Variants in ZNF224 observed in about 807,000 individuals in gnomAD.
The protein encoded by ZNF224 is bone marrow zinc finger 2.
In ZNF224, 8 loss-of-function variants were observed where a neutral mutation model predicts 10.5. The ratio of observed to expected loss-of-function variants is 0.76; its 90% confidence interval spans 0.45 to 1.37. ZNF224 has a LOEUF of 1.37. Ranked by LOEUF, ZNF224 falls within the 40% of genes most tolerant of loss-of-function variation. ZNF224 has a pLI of 0.00. For missense variants in ZNF224, 754 were observed against 854.0 expected (o/e 0.88, Z 1.46); for synonymous variants, 282 against 287.8 (o/e 0.98, Z 0.20).
At chr19:44,097,689 T>C in intron 2 of ZNF224, 117 bp from the exon 3 acceptor site, 1 of 586,316 alleles carries the variant, frequency 1.7e-6, no homozygotes, top group Non-Finnish European at 3.0e-6. Context: ...TGGGTTTTTA[T>C]GATTAATGCT....
chr19:44,101,322 C>T, intron 5 of ZNF224, 97 bp downstream of exon 5: 2 of 1,253,142 alleles, frequency 1.6e-6, no homozygotes, highest in East Asian at 2.5e-5. Context: ...ATGGCCAAAC[C>T]TCTTTCTTGG....
chr19:44,106,923 ACAG>A lies in ZNF224; in HGVS notation c.764_766del (p.Thr255_Gly256delinsArg). 4 of 1,608,332 alleles carry A rather than the reference ACAG, an allele frequency of 2.5e-6. No individual in the cohort carries two copies. Among genetic ancestry groups the A allele is most frequent in the Non-Finnish European group, 2.6e-6 (3 of 1,176,372 alleles). On this transcript the variant is annotated inframe_deletion, in exon 6 of 6. Coordinates refer to ENST00000693561, the MANE Select transcript of ZNF224 (RefSeq NM_001321645.3). ...ACTTAATGTTCATCATAAATTACAC[ACAG>A]GAGAGAAACCTTATAATTGTGAGGA...
In ZNF224 at chr19:44,106,537, A is replaced by T; in HGVS notation, c.377A>T (p.Lys126Ile). The T allele has an allele frequency of 6.2e-7, 1 of 1,613,890 alleles. No individual in the cohort carries two copies. Among genetic ancestry groups the T allele is most frequent in the Non-Finnish European group, 8.5e-7 (1 of 1,180,022 alleles). ...ATGATAAATAGCTCTCAGTTCTCCA[A>T]AGAAGGTGATTTCCCCTGCCAGACT... ...DLMINSSQFS[K>I]EGDFPCQTEA... Residue 126 changes from lysine to isoleucine, a missense_variant, in exon 6 of 6, where the codon AAA becomes ATA. By Grantham distance (102) the Lys-to-Ile change is moderately radical. Transcript: ENST00000693561.
chr19:44,102,023 A>G (rs1217325836), intron 5 of ZNF224, among the ~76,000 whole-genome samples: 1 of 152,096 alleles, frequency 6.6e-6, no homozygotes, highest in Non-Finnish European at 1.5e-5. Context: ...CTGACTAGCA[A>G]CCTTAATTGC....
intron 3 of ZNF224, among the ~76,000 whole-genome samples, chr19:44,098,658 A>G (rs1967489344): frequency 6.6e-6 from 1 of 151,462 alleles, no homozygotes; most frequent in Non-Finnish European, 1.5e-5. Flanking sequence ...ATCTCGGCTC[A>G]CTGCAGCCTC....
chr19:44,102,853 C>T (rs1302358195), intron 5 of ZNF224, among the ~76,000 whole-genome samples: 1 of 152,114 alleles, frequency 6.6e-6, no homozygotes, highest in Non-Finnish European at 1.5e-5. Flanking sequence ...CAGATAATAA[C>T]CAGCTTCCCA....
Position 44,101,164 on chromosome 19 carries a change from C to T in ZNF224, c.174C>T (p.His58=), listed in dbSNP as rs1487723860. 2 of 1,614,058 alleles carry T rather than the reference C, an allele frequency of 1.2e-6. No individual in the cohort carries two copies. The highest frequency in any genetic ancestry group is 1.7e-6 in the Non-Finnish European group (2 of 1,180,030). ...AAGCATTCCACAGGGATACTTTCCA[C>T]TTCCTAAGGGAAGAAAAGATTTGGA... ...GHQAFHRDTF[H]FLREEKIWMM... Residue 58 remains histidine, a synonymous_variant, in exon 5 of 6, where the codon CAC becomes CAT. Transcript: ENST00000693561.
rs1290177634 is a variant in ZNF224 at position 44,097,878 on chromosome 19, C to T, written c.5C>T (p.Thr2Ile). Residue 2 changes from threonine to isoleucine, a missense_variant, in exon 3 of 6, where the codon ACC becomes ATC. Transcript: ENST00000693561. The part of the protein sequence containing the change: M[T>I]TFKEAMTFKD... ...TTTCCAGAAGTAAGAGGGAAAATGACCACGTTCAAGGTGGGTAGGACTTGC... is the reference window on the plus strand; with the variant it reads ...TTTCCAGAAGTAAGAGGGAAAATGATCACGTTCAAGGTGGGTAGGACTTGC... 1 of 1,614,008 alleles carries T rather than the reference C, an allele frequency of 6.2e-7. No individual in the cohort carries two copies. Among genetic ancestry groups the T allele is most frequent in the Non-Finnish European group, 8.5e-7 (1 of 1,179,956 alleles).
intron 5 of ZNF224, among the ~76,000 whole-genome samples, chr19:44,104,197 A>G (rs1314366928): frequency 6.6e-6 from 1 of 152,152 alleles, no homozygotes; most frequent in East Asian, 1.9e-4. Flanking sequence ...ATCTCAGTTA[A>G]CCAAATTATT....
chr19:44,099,159 T>A (rs1367108736), intron 3 of ZNF224, among the ~76,000 whole-genome samples: 2 of 152,156 alleles, frequency 1.3e-5, no homozygotes, highest in Non-Finnish European at 2.9e-5. Context: ...TCCTGTTGAG[T>A]GATGATGTCC....
rs896045112 is a variant in ZNF224, at chr19:44,108,553, G to A, written c.*269G>A. The A allele has an allele frequency of 4.2e-6, 2 of 478,390 alleles. No homozygotes were observed. Among genetic ancestry groups the A allele is most frequent in the Non-Finnish European group, 7.8e-6 (2 of 255,956 alleles). The allele number at this position is 478,390 out of a possible 1,614,324, so 29.6% of individuals were successfully genotyped here. On this transcript the variant is annotated 3_prime_UTR_variant, in exon 6 of 6. Transcript: ENST00000693561. ...ATAATGGAGAATCCTTGTAAATGGTGCAATAAAGCTTCATTCAGAAGTTTG... is the reference window on the plus strand; with the variant it reads ...ATAATGGAGAATCCTTGTAAATGGTACAATAAAGCTTCATTCAGAAGTTTG...
rs758977567 is a variant in ZNF224, at chr19:44,109,548, G to A, written c.*1264G>A. ...TTTGGAGAGCAGAACATGCCAGAAT[G>A]TATAAGGTGCAACTGTTTGATATGA... is the stretch of plus-strand genomic sequence containing the variant. On this transcript the variant is annotated 3_prime_UTR_variant, in exon 6 of 6. Transcript: ENST00000693561. 1.3e-5 allele frequency: 2 copies of A among 152,166 alleles called. No homozygotes were observed. The highest frequency in any genetic ancestry group is 2.1e-4 in the South Asian group (1 of 4,830). The allele number at this position is 152,166 out of a possible 1,614,324, so 9.4% of individuals were successfully genotyped here. A position where few individuals can be genotyped will look rare whatever the true frequency, so the allele number is the denominator to read the frequency against.
chr19:44,103,644 A>C (rs1967590446), intron 5 of ZNF224, among the ~76,000 whole-genome samples: 1 of 152,164 alleles, frequency 6.6e-6, no homozygotes, highest in Non-Finnish European at 1.5e-5. Context: ...GGAAATAAGT[A>C]TAAAGGAGTA....
At chr19:44,104,112 G>C (rs1967599662) in intron 5 of ZNF224, among the ~76,000 whole-genome samples, 1 of 152,138 alleles carries the variant, frequency 6.6e-6, no homozygotes, top group South Asian at 2.1e-4. Flanking sequence ...CTCATCAGGA[G>C]CATCACCCTT....
chr19:44,106,098 A>G (rs563557417), intron 5 of ZNF224: 5 of 339,578 alleles, frequency 1.5e-5, no homozygotes, highest in African/African-American at 9.5e-5. Flanking sequence ...ACTGTATTTC[A>G]TAGAGGTTGT....
In ZNF224 at chr19:44,108,710, C is replaced by T. The variant is rs781620739; in HGVS notation, c.*426C>T. 8 of 518,822 alleles carry T rather than the reference C, an allele frequency of 1.5e-5. No individual in the cohort carries two copies. Among genetic ancestry groups the T allele is most frequent in the South Asian group, 2.8e-5 (2 of 71,444 alleles). 32.1% of individuals were successfully genotyped at this position (518,822 alleles called of 1,614,324 possible). ...ACTACATGTGTCTTTGCTGCTAAGT[C>T]GTCACAGCCTTAACATTGATTAGCA... On this transcript the variant is annotated 3_prime_UTR_variant, in exon 6 of 6. Transcript: ENST00000693561.
chr19:44,104,802 C>T (rs1967618409), intron 5 of ZNF224, among the ~76,000 whole-genome samples: 2 of 152,038 alleles, frequency 1.3e-5, no homozygotes, highest in South Asian at 4.1e-4. Flanking sequence ...GCTGGGACTA[C>T]AGGCGCCCGC....
intron 3 of ZNF224, among the ~76,000 whole-genome samples, chr19:44,098,577 A>T (rs1967487532): frequency 2.6e-5 from 4 of 151,806 alleles, no homozygotes; most frequent in Admixed American, 2.6e-4. Context: ...CCAAAGTAAT[A>T]TGTAAGCTAA....
At chr19:44,106,366 T>A (rs780539176) in intron 5 of ZNF224, 30 bp from the exon 6 acceptor site, 77 of 1,611,694 alleles carry the variant, frequency 4.8e-5, no homozygotes, top group Non-Finnish European at 6.4e-5. Context: ...GCTTCACTTG[T>A]CCTCATCTTT....
Sources: allele counts gnomAD v4.1 joint callset (sites outside exome capture counted in the v4.1 genomes callset), GRCh38; gene constraint gnomAD v4.1.1; transcripts MANE v1.5; gene names NCBI Gene and HGNC (gene_info 2026-07-23, HGNC 2026-07-21).